WDR20: variants seen among roughly 807,000 people sequenced by gnomAD.
WDR20 encodes the protein WD repeat-containing protein 20.
A neutral mutation model predicts 38.7 loss-of-function variants in WDR20; 3 were observed. The observed-to-expected ratio is 0.08, with a 90% CI of 0.04 to 0.20. The LOEUF (loss-of-function observed/expected upper bound fraction) is 0.20, where lower values mean the gene tolerates loss of function less well. Among genes scored for constraint, WDR20 ranks in the 10% least tolerant of loss-of-function variants. The pLI is 1.00. For missense variants in WDR20, 559 were observed against 727.7 expected, an observed-to-expected ratio of 0.77 and a Z score of 2.67; for synonymous variants, 298 against 285.6, an observed-to-expected ratio of 1.04 and a Z score of -0.44.
chr14:102,184,819 C>T (rs573503793), intron 1 of WDR20, among the ~76,000 whole-genome samples: 5 of 152,210 alleles, frequency 3.3e-5, no homozygotes, highest in East Asian at 1.9e-4. Context: ...TTCTCTGTGC[C>T]GCCTCTCAAA....
At position 102,161,121 on chromosome 14, in the gene WDR20, C is replaced by CATATATATATAT. The variant is rs1180738049; in HGVS notation, c.249+20960_249+20971dup. On this transcript the variant is annotated intron_variant, in intron 1 of 2. Coordinates refer to ENST00000342702, the MANE Select transcript of WDR20 (RefSeq NM_144574.4). ...GATACACTGGGTCAAAGCATAACTG[C>CATATATATATAT]ATATATATATATATATATATATTTT... 9.1e-3 allele frequency among the ~76,000 whole-genome samples: 101 copies of CATATATATATAT among 11,120 alleles called. 11 individuals are homozygous for CATATATATATAT. Among genetic ancestry groups the CATATATATATAT allele is most frequent in the East Asian group, 0.04 (5 of 124 alleles). The allele number at this position is 11,120 out of a possible 152,430, so 7.3% of individuals were successfully genotyped here.
chr14:102,194,802 A>T, intron 1 of WDR20, 136 bp from the exon 2 acceptor site: 2 of 916,006 alleles, frequency 2.2e-6, no homozygotes, highest in Non-Finnish European at 3.3e-6. Flanking sequence ...AGATGATGTT[A>T]AGTCACAACT....
downstream of WDR20, chr14:102,214,069 C>T (rs1298263456): frequency 1.0e-5 from 10 of 985,518 alleles, no homozygotes; most frequent in South Asian, 1.4e-4. Context: ...CCTCTGACTG[C>T]GGGGTTGCAC....
At chr14:102,174,442 CAG>C (rs2061634323) in intron 1 of WDR20, among the ~76,000 whole-genome samples, 1 of 152,140 alleles carries the variant, frequency 6.6e-6, no homozygotes, top group Non-Finnish European at 1.5e-5. Context: ...TTTTTTGAGA[CAG>C]AGTCTTGCTC....
chr14:102,205,683 A>G (rs964528388), intron 2 of WDR20, among the ~76,000 whole-genome samples: 2 of 152,010 alleles, frequency 1.3e-5, no homozygotes, highest in Admixed American at 6.6e-5. Context: ...TATTGCTGAG[A>G]CACAGGGCGC....
At chr14:102,182,819 T>C (rs2063675468) in intron 1 of WDR20, among the ~76,000 whole-genome samples, 1 of 152,146 alleles carries the variant, frequency 6.6e-6, no homozygotes, top group South Asian at 2.1e-4. Context: ...CAAACTGTTT[T>C]CTTTGCAAAT....
intron 1 of WDR20, among the ~76,000 whole-genome samples, chr14:102,151,173 A>ATTTTTTTTTTT (rs534503694): frequency 4.5e-4 from 50 of 111,546 alleles, no homozygotes; most frequent in African/African-American, 7.1e-4. Flanking sequence ...CCATTGGGGA[A>ATTTTTTTTTTT]TTTTTTTTTT....
At chr14:102,199,922 G>A (rs1567019887) in intron 2 of WDR20, among the ~76,000 whole-genome samples, 1 of 152,120 alleles carries the variant, frequency 6.6e-6, no homozygotes, top group African/African-American at 2.4e-5. Context: ...AAACCGTGAC[G>A]CTCACTGTTG....
intron 1 of WDR20, among the ~76,000 whole-genome samples, chr14:102,170,098 A>G (rs1018457828): frequency 2.0e-5 from 3 of 152,182 alleles, no homozygotes; most frequent in African/African-American, 7.2e-5. Context: ...TAAAAATGCA[A>G]ACTTTAGCAT....
chr14:102,161,732 C>G (rs1296020703), intron 1 of WDR20, among the ~76,000 whole-genome samples: 1 of 152,052 alleles, frequency 6.6e-6, no homozygotes, highest in Non-Finnish European at 1.5e-5. Flanking sequence ...CTGCTTTCTA[C>G]CGTGTTTCAG....
intron 1 of WDR20, among the ~76,000 whole-genome samples, chr14:102,154,613 T>C (rs1356618479): frequency 1.3e-5 from 2 of 152,214 alleles, no homozygotes; most frequent in East Asian, 3.8e-4. Context: ...CCTTCCTTAT[T>C]GAACATAAGC....
chr14:102,219,062 C>T (rs546976539), downstream of WDR20, among the ~76,000 whole-genome samples: 4 of 152,206 alleles, frequency 2.6e-5, no homozygotes, highest in African/African-American at 9.6e-5. Context: ...GAGTTTGACA[C>T]GGATGACCAT....
chr14:102,156,386 T>G (rs1257591904), intron 1 of WDR20, among the ~76,000 whole-genome samples: 5 of 151,824 alleles, frequency 3.3e-5, no homozygotes, highest in African/African-American at 1.2e-4. Context: ...GCCAGGATGG[T>G]CTCGATCTCC....
chr14:102,175,125 C>T (rs997158073), intron 1 of WDR20, among the ~76,000 whole-genome samples: 3 of 152,156 alleles, frequency 2.0e-5, no homozygotes, highest in South Asian at 2.1e-4. Flanking sequence ...AAATCTTTGC[C>T]TAAGCCAATG....
chr14:102,223,781 C>T (rs1451782940), downstream of WDR20: 2 of 152,054 alleles, frequency 1.3e-5, no homozygotes, highest in African/African-American at 4.8e-5. Flanking sequence ...ACTTGAAGCC[C>T]CCTCACCAGT....
At chr14:102,145,162 G>A (rs929290691) in intron 1 of WDR20, among the ~76,000 whole-genome samples, 1 of 152,174 alleles carries the variant, frequency 6.6e-6, no homozygotes, top group Non-Finnish European at 1.5e-5. Context: ...GGCCCTTGCT[G>A]TGTACTTGTT....
At chr14:102,150,522 A>G (rs1214823601) in intron 1 of WDR20, among the ~76,000 whole-genome samples, 1 of 152,178 alleles carries the variant, frequency 6.6e-6, no homozygotes, top group East Asian at 1.9e-4. Flanking sequence ...CATCTTAGTT[A>G]CCGCATTGTA....
chr14:102,218,169 T>C (rs1481308343), downstream of WDR20, among the ~76,000 whole-genome samples: 2 of 152,238 alleles, frequency 1.3e-5, no homozygotes, highest in Non-Finnish European at 2.9e-5. Context: ...CCAGGGCCTG[T>C]GTGCGTCTTA....
rs200933990 is a variant in WDR20 at position 102,199,923 on chromosome 14, CT to C, written c.432+4804del. Among the ~76,000 whole-genome samples, 1,443 of 152,342 alleles carry C rather than the reference CT, an allele frequency of 9.5e-3. 23 individuals carry two copies. Among genetic ancestry groups the C allele is most frequent in the African/African-American group, 0.033 (1,380 of 41,554 alleles). On this transcript the variant is annotated intron_variant, in intron 2 of 2. Transcript: ENST00000342702. The stretch of plus-strand genomic sequence containing the variant: ...AAAGCATCACCTCTAAACCGTGACG[CT>C]CACTGTTGACTTTCACAGTCTGTGA...
Sources: gnomAD v4.1 joint callset for allele counts (sites outside exome capture counted in the v4.1 genomes callset) on GRCh38, gnomAD v4.1.1 for gene constraint, MANE v1.5 for transcripts, NCBI Gene and HGNC (gene_info 2026-07-23, HGNC 2026-07-21) for gene names.